Variants in WWOX observed in about 807,000 individuals in gnomAD.
The protein encoded by WWOX is WW domain-containing oxidoreductase.
In WWOX, 69 loss-of-function variants were observed where a neutral mutation model predicts 46.2. The ratio of observed to expected loss-of-function variants is 1.49; its 90% CI spans 1.23 to 1.82. The LOEUF is 1.82. WWOX is among the 40% of genes most tolerant of loss of function. WWOX has a pLI of 0.00. For missense variants in WWOX, 919 were observed against 542.6 expected (o/e 1.69, Z -6.89); for synonymous variants, 359 against 202.6 (o/e 1.77, Z -6.56).
Position 78,296,101 on chromosome 16 carries a change from C to T in WWOX, c.517-90759C>T, listed in dbSNP as rs147155307. Reference sequence around the variant, plus strand: ...TGTCATTGCTTTAAAACTAGCTCTTCGAAGTGGGAAAACCAAAAGTTTTAT... The same window carrying T: ...TGTCATTGCTTTAAAACTAGCTCTTTGAAGTGGGAAAACCAAAAGTTTTAT... On this transcript the variant is annotated intron_variant, in intron 5 of 8. Coordinates refer to ENST00000566780, the MANE Select transcript of WWOX (RefSeq NM_016373.4). Among the ~76,000 whole-genome samples the T allele has an allele frequency of 1.3e-3, 201 of 152,262 alleles. 1 individual carries two copies. Among genetic ancestry groups the T allele is most frequent in the African/African-American group, 4.6e-3 (191 of 41,538 alleles).
At chr16:78,402,412 T>G (rs572483699) in intron 6 of WWOX, among the ~76,000 whole-genome samples, 4 of 152,358 alleles carry the variant, frequency 2.6e-5, no homozygotes, top group African/African-American at 4.8e-5. Flanking sequence ...ACTTTTTGGC[T>G]ACTGTAAAAG....
Position 78,346,851 on chromosome 16 carries a change from C to T in WWOX, c.517-40009C>T, listed in dbSNP as rs2081102270. 1.7e-5 allele frequency among the ~76,000 whole-genome samples: 2 copies of T among 118,926 alleles called. 1 individual carries two copies. The highest frequency in any genetic ancestry group is 5.7e-5 in the African/African-American group (2 of 34,956). 78.0% of individuals were successfully genotyped at this position (118,926 alleles called of 152,430 possible). On this transcript the variant is annotated intron_variant, in intron 5 of 8. Coordinates refer to ENST00000566780, the MANE Select transcript of WWOX (RefSeq NM_016373.4). The stretch of plus-strand genomic sequence containing the variant: ...TCTTGAGTAGCTGGTGTTACAGAAG[C>T]CTGCTACCATGCCTGGCTAATTTTT...
chr16:78,757,982 T>C (rs2049698012), intron 8 of WWOX, among the ~76,000 whole-genome samples: 1 of 152,088 alleles, frequency 6.6e-6, no homozygotes, highest in African/African-American at 2.4e-5. Flanking sequence ...AACACTGACC[T>C]TCTATCAGAT....
chr16:78,475,037 C>T (rs1041325861), intron 8 of WWOX, among the ~76,000 whole-genome samples: 3 of 152,174 alleles, frequency 2.0e-5, no homozygotes, highest in Non-Finnish European at 4.4e-5. Context: ...ACAGTGCTAA[C>T]ATAGCCAGGC....
chr16:78,553,884 T>G (rs2044229669), intron 8 of WWOX, among the ~76,000 whole-genome samples: 1 of 151,938 alleles, frequency 6.6e-6, no homozygotes, highest in Admixed American at 6.6e-5. Flanking sequence ...GGTTGGAACG[T>G]GGGAGTTTAA....
chr16:78,120,300 G>T (rs2033024545), intron 4 of WWOX, among the ~76,000 whole-genome samples: 1 of 152,188 alleles, frequency 6.6e-6, no homozygotes, highest in Non-Finnish European at 1.5e-5. Context: ...GCCGGGCGCG[G>T]TGGCTCACGC....
intron 5 of WWOX, among the ~76,000 whole-genome samples, chr16:78,192,296 A>T (rs1030876877): frequency 5.9e-5 from 9 of 152,114 alleles, no homozygotes; most frequent in African/African-American, 2.2e-4. Flanking sequence ...GGAATTCGAG[A>T]CCAGTCTGGC....
chr16:78,399,478 C>T (rs901551486), intron 6 of WWOX, among the ~76,000 whole-genome samples: 1 of 152,172 alleles, frequency 6.6e-6, no homozygotes, highest in African/African-American at 2.4e-5. Flanking sequence ...CTGGAGTGGA[C>T]ATGGATCATG....
intron 2 of WWOX, 76 bp from the exon 3 acceptor site, chr16:78,109,702 G>A: frequency 6.7e-7 from 1 of 1,500,802 alleles, no homozygotes; most frequent in South Asian, 1.1e-5. Context: ...GGCTGGGAGG[G>A]CTCCTTCCCT....
At chr16:78,489,425 G>A (rs1233174965) in intron 8 of WWOX, among the ~76,000 whole-genome samples, 1 of 152,028 alleles carries the variant, frequency 6.6e-6, no homozygotes, top group Admixed American at 6.6e-5. Flanking sequence ...ATACATTTCA[G>A]TGTCTACAAA....
At chr16:79,091,988 C>G (rs2150603849) in intron 8 of WWOX, among the ~76,000 whole-genome samples, 1 of 152,022 alleles carries the variant, frequency 6.6e-6, no homozygotes, top group East Asian at 1.9e-4. Flanking sequence ...ACCATGTTGG[C>G]CAAGATGGTC....
At chr16:78,107,386 G>T (rs764443430) in intron 1 of WWOX, among the ~76,000 whole-genome samples, 4 of 152,164 alleles carry the variant, frequency 2.6e-5, no homozygotes, top group Non-Finnish European at 5.9e-5. Flanking sequence ...TTGTGTAACT[G>T]ATTTGTTCAG....
At position 78,144,448 on chromosome 16, in the gene WWOX, C is replaced by CGTATATATATATATATATATATAT. The variant is rs71380475; in HGVS notation, c.410-19735_410-19734insGTATATATATATATATATATATAT. Among the ~76,000 whole-genome samples the CGTATATATATATATATATATATAT allele has an allele frequency of 1.4e-3, 25 of 17,582 alleles. 2 individuals are homozygous for CGTATATATATATATATATATATAT. The highest frequency in any genetic ancestry group is 3.5e-3 in the East Asian group (1 of 282). 11.5% of individuals were successfully genotyped at this position (17,582 alleles called of 152,430 possible). A position where few individuals can be genotyped will look rare whatever the true frequency, so the allele number is the denominator to read the frequency against. On this transcript the variant is annotated intron_variant, in intron 4 of 8. Coordinates refer to ENST00000566780, the MANE Select transcript of WWOX (RefSeq NM_016373.4). ...CCATTACTATATATATATATATATACACATATATATATATACACACATATA... is the reference window on the plus strand; with the variant it reads ...CCATTACTATATATATATATATATACGTATATATATATATATATATATATACATATATATATATACACACATATA...
intron 8 of WWOX, among the ~76,000 whole-genome samples, chr16:78,929,251 G>A (rs1396948527): frequency 8.1e-6 from 1 of 123,894 alleles, no homozygotes; most frequent in East Asian, 2.0e-4. Context: ...TTATCATACA[G>A]TGATTTTTTT....
chr16:78,813,313 A>T (rs748892609), intron 8 of WWOX, among the ~76,000 whole-genome samples: 2 of 151,942 alleles, frequency 1.3e-5, no homozygotes, highest in Non-Finnish European at 2.9e-5. Context: ...CTATAAATAT[A>T]CAGCCTTAAA....
At chr16:79,172,048 A>T (rs1157736088) in intron 8 of WWOX, among the ~76,000 whole-genome samples, 1 of 152,150 alleles carries the variant, frequency 6.6e-6, no homozygotes, top group Non-Finnish European at 1.5e-5. Context: ...CTGTGGAGCG[A>T]GGGCAAGTTG....
intron 8 of WWOX, among the ~76,000 whole-genome samples, chr16:79,200,928 G>A (rs1181584913): frequency 2.6e-5 from 4 of 152,154 alleles, no homozygotes; most frequent in Admixed American, 6.5e-5. Flanking sequence ...CTTTAAACTT[G>A]TGATAATCAG....
At chr16:78,886,469 A>T (rs1304578858) in intron 8 of WWOX, among the ~76,000 whole-genome samples, 1 of 151,822 alleles carries the variant, frequency 6.6e-6, no homozygotes, top group African/African-American at 2.4e-5. Flanking sequence ...TTTAAATAAC[A>T]CATCATTGAA....
chr16:78,561,700 A>C (rs2044441343), intron 8 of WWOX, among the ~76,000 whole-genome samples: 1 of 152,182 alleles, frequency 6.6e-6, no homozygotes, highest in South Asian at 2.1e-4. Context: ...ACTGCAAAGA[A>C]AGGATGTTAG....
Sources: gnomAD v4.1 joint callset for allele counts (sites outside exome capture counted in the v4.1 genomes callset) on GRCh38, gnomAD v4.1.1 for gene constraint, MANE v1.5 for transcripts, NCBI Gene and HGNC (gene_info 2026-07-23, HGNC 2026-07-21) for gene names.